MKLN1: variants seen among roughly 807,000 people sequenced by gnomAD.
The protein encoded by MKLN1 is muskelin.
A neutral mutation model predicts 99.0 loss-of-function variants in MKLN1; 18 were observed. The observed-to-expected ratio is 0.18, with a 90% CI of 0.13 to 0.27. MKLN1 has a LOEUF of 0.27. Ranked by LOEUF, MKLN1 falls within the 10% of genes least tolerant of loss-of-function variation. The probability of loss-of-function intolerance (pLI) is 1.00; values close to 1 mark genes in which losing one functional copy is unlikely to be tolerated. For missense variants in MKLN1, 621 were observed against 875.9 expected (o/e 0.71, Z 3.67); for synonymous variants, 288 against 293.2 (o/e 0.98, Z 0.18).
chr7:131,301,088 C>G (rs1366319510), intron 3 of MKLN1, among the ~76,000 whole-genome samples: 1 of 152,110 alleles, frequency 6.6e-6, no homozygotes, highest in Non-Finnish European at 1.5e-5. Flanking sequence ...ATGTTGATAC[C>G]TATGGTAGAT....
chr7:131,271,444 G>A (rs1439997602), intron 3 of MKLN1, among the ~76,000 whole-genome samples: 6 of 150,810 alleles, frequency 4.0e-5, no homozygotes, highest in Non-Finnish European at 8.9e-5. Context: ...CGGTGAAACC[G>A]TGTCTCTACT....
intron 1 of MKLN1, among the ~76,000 whole-genome samples, chr7:131,364,411 A>C (rs1457542931): frequency 6.6e-6 from 1 of 151,956 alleles, no homozygotes; most frequent in Non-Finnish European, 1.5e-5. Context: ...CAAACTGATT[A>C]ATCTTGGGTA....
intron 3 of MKLN1, among the ~76,000 whole-genome samples, chr7:131,314,007 A>G (rs1351598941): frequency 6.6e-6 from 1 of 152,192 alleles, no homozygotes; most frequent in Non-Finnish European, 1.5e-5. Context: ...CATTTCTCTA[A>G]GTATTTAAAC....
At position 131,336,357 on chromosome 7, in the gene MKLN1, A is replaced by C. The variant is rs894909365; in HGVS notation, c.98+8360A>C. Among the ~76,000 whole-genome samples, 70 of 151,990 alleles carry C rather than the reference A, an allele frequency of 4.6e-4. 1 individual carries two copies. Among genetic ancestry groups the C allele is most frequent in the Admixed American group, 5.2e-4 (8 of 15,266 alleles). On this transcript the variant is annotated intron_variant, in intron 1 of 17. Transcript: ENST00000352689. ...TATATTTGGGGTCTGTTTCTTGTTA[A>C]GAATAAACAGATTTTTGTTTGCCTG...
rs191233249 is a variant in MKLN1, at chr7:131,342,117, A to G, written c.98+14120A>G. Among the ~76,000 whole-genome samples, 100 of 150,720 alleles carry G rather than the reference A, an allele frequency of 6.6e-4. 1 individual carries two copies. Among genetic ancestry groups the G allele is most frequent in the Admixed American group, 2.2e-3 (33 of 15,198 alleles). ...GGAATTTCTGGGTCATTTGCTAACT[A>G]TGATTTCGTTATTGGAGAAACTGCC... is the stretch of plus-strand genomic sequence containing the variant. On this transcript the variant is annotated intron_variant, in intron 1 of 17. Coordinates refer to ENST00000352689, the MANE Select transcript of MKLN1 (RefSeq NM_013255.5).
chr7:131,325,555 G>C (rs950187446), upstream of MKLN1, among the ~76,000 whole-genome samples: 1 of 152,034 alleles, frequency 6.6e-6, no homozygotes, highest in African/African-American at 2.4e-5. Context: ...AAAGTAGCTT[G>C]GTGTGGTGAT....
intron 3 of MKLN1, among the ~76,000 whole-genome samples, chr7:131,205,644 G>A (rs1407298633): frequency 2.6e-5 from 4 of 152,086 alleles, no homozygotes; most frequent in Non-Finnish European, 4.4e-5. Context: ...TGGGGGCTCG[G>A]GGGAAGACTC....
intron 2 of MKLN1, among the ~76,000 whole-genome samples, chr7:131,150,510 C>A (rs1285254216): frequency 2.6e-5 from 4 of 151,748 alleles, no homozygotes; most frequent in African/African-American, 9.7e-5. Flanking sequence ...AACAAACAAA[C>A]AATAATAAAA....
At chr7:131,133,990 C>G (rs867809788) in intron 1 of MKLN1, among the ~76,000 whole-genome samples, 1 of 151,654 alleles carries the variant, frequency 6.6e-6, no homozygotes. Flanking sequence ...CCACCAAGCC[C>G]GGCTAAGTTT....
In MKLN1 at chr7:131,359,733, A is replaced by AT. The variant is rs548525639; in HGVS notation, c.99-15680dup. On this transcript the variant is annotated intron_variant, in intron 1 of 17. Coordinates refer to ENST00000352689, the MANE Select transcript of MKLN1 (RefSeq NM_013255.5). Reference sequence around the variant, plus strand: ...TTTATTATTATTTAATGCCTCTTTTATTTTTTTTTTTATTTTTTGAGACAG... The same window carrying AT: ...TTTATTATTATTTAATGCCTCTTTTATTTTTTTTTTTTATTTTTTGAGACAG... Among the ~76,000 whole-genome samples the AT allele has an allele frequency of 2.8e-3, 400 of 144,976 alleles. 1 individual carries two copies. The highest frequency in any genetic ancestry group is 0.012 in the East Asian group (60 of 4,968).
intron 10 of MKLN1, among the ~76,000 whole-genome samples, chr7:131,441,022 T>C (rs1297253523): frequency 1.3e-5 from 2 of 152,312 alleles, no homozygotes; most frequent in Non-Finnish European, 2.9e-5. Context: ...CAAGAGATAA[T>C]AGAGCAACAT....
intron 4 of MKLN1, among the ~76,000 whole-genome samples, chr7:131,389,687 A>C (rs1430302894): frequency 2.0e-5 from 3 of 151,828 alleles, no homozygotes; most frequent in East Asian, 1.9e-4. Flanking sequence ...TGAGCAATTA[A>C]ATCCTGGCTA....
intron 2 of MKLN1, among the ~76,000 whole-genome samples, chr7:131,147,907 T>C (rs1410924162): frequency 6.6e-6 from 1 of 152,212 alleles, no homozygotes; most frequent in Admixed American, 6.5e-5. Flanking sequence ...AGTTCCTGCA[T>C]CTGTGGTATG....
chr7:131,234,715 T>G (rs1225122416), intron 3 of MKLN1, among the ~76,000 whole-genome samples: 1 of 152,232 alleles, frequency 6.6e-6, no homozygotes, highest in East Asian at 1.9e-4. Context: ...CTGAAGAATT[T>G]AGCATCACTT....
At chr7:131,151,838 A>G (rs1214322608) in intron 2 of MKLN1, among the ~76,000 whole-genome samples, 2 of 152,172 alleles carry the variant, frequency 1.3e-5, no homozygotes, top group Admixed American at 1.3e-4. Context: ...TACACACACC[A>G]GAATATTCAC....
chr7:131,470,993 C>A (rs564586118), intron 16 of MKLN1, 49 bp downstream of exon 16: 10 of 1,288,808 alleles, frequency 7.8e-6, no homozygotes, highest in African/African-American at 3.0e-5. Context: ...TTTTAAATGT[C>A]TTCCTAACTT....
intron 3 of MKLN1, among the ~76,000 whole-genome samples, chr7:131,313,677 C>T (rs1421515578): frequency 6.6e-6 from 1 of 152,202 alleles, no homozygotes; most frequent in East Asian, 1.9e-4. Flanking sequence ...CAAGGTAATA[C>T]AAAATCACAG....
chr7:131,232,737 G>T (rs1234094969), intron 3 of MKLN1, among the ~76,000 whole-genome samples: 1 of 152,144 alleles, frequency 6.6e-6, no homozygotes, highest in Non-Finnish European at 1.5e-5. Context: ...AAGATAACTA[G>T]AGAGTGAGCT....
At chr7:131,192,722 A>G (rs1796586589) in intron 2 of MKLN1, among the ~76,000 whole-genome samples, 2 of 151,482 alleles carry the variant, frequency 1.3e-5, no homozygotes, top group African/African-American at 4.9e-5. Flanking sequence ...TTGTATTTTT[A>G]GTACAGATGG....
Sources: gnomAD v4.1 joint callset for allele counts (sites outside exome capture counted in the v4.1 genomes callset) on GRCh38, gnomAD v4.1.1 for gene constraint, MANE v1.5 for transcripts, NCBI Gene and HGNC (gene_info 2026-07-23, HGNC 2026-07-21) for gene names.